The following KCNT1 variants were observed in gnomAD, a reference collection of about 807,000 sequenced individuals.
KCNT1 encodes the protein potassium sodium-activated channel subfamily T member 1.
KCNT1 carries 78 observed loss-of-function variants against 147.8 expected under a neutral mutation model. The ratio of observed to expected loss-of-function variants is 0.53; its 90% confidence interval spans 0.44 to 0.64. The LOEUF is 0.64. KCNT1 is among the 30% of genes least tolerant of loss of function. The probability of loss-of-function intolerance (pLI) is 0.00; values close to 1 mark genes in which losing one functional copy is unlikely to be tolerated. For missense variants in KCNT1, 1,419 were observed against 1,750.3 expected (o/e 0.81, Z 3.38); for synonymous variants, 867 against 748.8 (o/e 1.16, Z -2.58).
Position 135,765,741 on chromosome 9 carries a change from C to T in KCNT1, c.1318C>T (p.Gln440Ter). 1 of 1,604,018 alleles carries T rather than the reference C, an allele frequency of 6.2e-7. No individual in the cohort carries two copies. Among genetic ancestry groups the T allele is most frequent in the Non-Finnish European group, 8.5e-7 (1 of 1,173,368 alleles). ...IYLQGSALKD[Q>*]DLMRAKMDNG... ...CCTCCAGGGCTCTGCACTCAAAGAC[C>T]AGGACCTCATGCGAGCCAAGTGAGT... Residue 440 changes from glutamine (Q) to a stop codon, truncating the protein, a stop_gained, in exon 13 of 31, where the codon CAG becomes TAG. Transcript: ENST00000371757. LOFTEE classifies it high-confidence loss of function.
chr9:135,751,524 G>A (rs1481343725), intron 4 of KCNT1, among the ~76,000 whole-genome samples: 3 of 152,174 alleles, frequency 2.0e-5, no homozygotes, highest in Admixed American at 2.0e-4. Flanking sequence ...TCTGGGAGAG[G>A]TGCTGGGGGC....
At chr9:135,731,067 C>T (rs1477450602) in intron 2 of KCNT1, among the ~76,000 whole-genome samples, 2 of 151,588 alleles carry the variant, frequency 1.3e-5, no homozygotes, top group African/African-American at 4.9e-5. Flanking sequence ...AGCAGGAAGC[C>T]CACACGCCAT....
chr9:135,765,838 A>G (rs1832231892), intron 13 of KCNT1, 78 bp downstream of exon 13: 1 of 1,356,796 alleles, frequency 7.4e-7, no homozygotes, highest in Admixed American at 2.1e-5. Context: ...TGAGGCATTG[A>G]CCGTCGCTCT....
intron 9 of KCNT1, among the ~76,000 whole-genome samples, chr9:135,758,148 C>T (rs1035795158): frequency 2.1e-5 from 3 of 145,828 alleles, no homozygotes; most frequent in Admixed American, 6.8e-5. Context: ...TGGGCTGCCC[C>T]GTGGGCCTCA....
intron 4 of KCNT1, among the ~76,000 whole-genome samples, chr9:135,753,454 C>G (rs1831304576): frequency 6.6e-6 from 1 of 152,172 alleles, no homozygotes; most frequent in South Asian, 2.1e-4. Flanking sequence ...GGACGTGCCT[C>G]TTGGAGTCAG....
At chr9:135,758,924 C>T (rs11103171) in intron 10 of KCNT1, among the ~76,000 whole-genome samples, 3 of 151,674 alleles carry the variant, frequency 2.0e-5, no homozygotes, top group East Asian at 1.9e-4. Flanking sequence ...CCACTGTGCC[C>T]ACCTGCCTGT....
chr9:135,715,133 C>G (rs1025647607), intron 2 of KCNT1, among the ~76,000 whole-genome samples: 31 of 152,218 alleles, frequency 2.0e-4, no homozygotes, highest in African/African-American at 6.0e-4. Context: ...GGCAGCGGTC[C>G]TTGATTAATT....
chr9:135,784,429 G>C, intron 25 of KCNT1, 106 bp from the exon 26 acceptor site: 2 of 830,790 alleles, frequency 2.4e-6, no homozygotes, highest in Non-Finnish European at 3.9e-6. Context: ...CGAGCCCGTG[G>C]CCGGTGGGGT....
rs1834562779 is a variant in KCNT1 at position 135,791,898 on chromosome 9, G to A, written c.3587+17G>A. 1 of 1,612,794 alleles carries A rather than the reference G, an allele frequency of 6.2e-7. No homozygotes were observed. The highest frequency in any genetic ancestry group is 2.2e-5 in the East Asian group (1 of 44,870). On this transcript the variant is annotated intron_variant, in intron 30 of 30. Coordinates refer to ENST00000371757, the MANE Select transcript of KCNT1 (RefSeq NM_020822.3). ...TGACATTGTGTGAGTAGCACCTGTG[G>A]GCTGTGTGGAGACCCCCCCTGAGCA... is the stretch of plus-strand genomic sequence containing the variant.
Position 135,753,912 on chromosome 9 carries a change from G to A in KCNT1, c.435-25G>A, listed in dbSNP as rs371106390. The A allele has an allele frequency of 5.7e-5, 92 of 1,613,722 alleles. 1 individual carries two copies. Among genetic ancestry groups the A allele is most frequent in the South Asian group, 4.0e-4 (36 of 91,084 alleles). On this transcript the variant is annotated intron_variant, in intron 4 of 30. Transcript: ENST00000371757. The stretch of plus-strand genomic sequence containing the variant: ...CAGTGGTGCTAGAGGGGCCAGGGCC[G>A]GGCCAGCGCTGTGTCTCTCCACAGC...
Position 135,780,898 on chromosome 9 carries a change from G to A in KCNT1, c.2841+1428G>A, listed in dbSNP as rs922492560. Among the ~76,000 whole-genome samples the A allele has an allele frequency of 3.9e-5, 6 of 152,224 alleles. No homozygotes were observed. In the East Asian group the frequency reaches 9.6e-4, roughly 24 times the overall value. On this transcript the variant is annotated intron_variant, in intron 24 of 30. Coordinates refer to ENST00000371757, the MANE Select transcript of KCNT1 (RefSeq NM_020822.3). ...TGGACAGGGATGCTGCCGTGGAGTC[G>A]GGGTCGAGGCAGTCATCCTGGCGCG...
chr9:135,732,595 A>C (rs934188399), intron 2 of KCNT1, among the ~76,000 whole-genome samples: 2 of 152,040 alleles, frequency 1.3e-5, no homozygotes, highest in African/African-American at 4.8e-5. Flanking sequence ...CTGGCTGCTG[A>C]GATGAACAGG....
chr9:135,792,426 G>T lies in KCNT1; in HGVS notation c.*265G>T. The T allele has an allele frequency of 2.9e-6, 1 of 344,774 alleles. No homozygotes were observed. Among genetic ancestry groups the T allele is most frequent in the South Asian group, 3.0e-5 (1 of 32,872 alleles). The allele number at this position is 344,774 out of a possible 1,614,324, so 21.4% of individuals were successfully genotyped here. A position where few individuals can be genotyped will look rare whatever the true frequency, so the allele number is the denominator to read the frequency against. On this transcript the variant is annotated 3_prime_UTR_variant, in exon 31 of 31. Coordinates refer to ENST00000371757, the MANE Select transcript of KCNT1 (RefSeq NM_020822.3). ...CCACTTCTCTTTACACAGATGTACC[G>T]CAACTCGTGACCAGGGCTGGCTGGG...
At chr9:135,713,074 C>G (rs1445374475) in intron 1 of KCNT1, among the ~76,000 whole-genome samples, 1 of 152,230 alleles carries the variant, frequency 6.6e-6, no homozygotes, top group Non-Finnish European at 1.5e-5. Context: ...GGAACCAGAG[C>G]CGCTCAAAAG....
intron 18 of KCNT1, 54 bp from the exon 19 acceptor site, chr9:135,772,661 C>A: frequency 7.7e-7 from 1 of 1,300,206 alleles, no homozygotes; most frequent in Non-Finnish European, 1.0e-6. Context: ...TGGGAACTCG[C>A]CGCCCATGGA....
intron 29 of KCNT1, among the ~76,000 whole-genome samples, chr9:135,788,316 G>T (rs1035665329): frequency 6.6e-6 from 1 of 152,268 alleles, no homozygotes; most frequent in Admixed American, 6.5e-5. Context: ...GTTGGGCAAG[G>T]CCTCGCATGC....
intron 1 of KCNT1, among the ~76,000 whole-genome samples, chr9:135,712,750 C>T (rs1000929525): frequency 2.0e-5 from 3 of 152,240 alleles, no homozygotes; most frequent in Admixed American, 1.3e-4. Context: ...AGCCCCGGCC[C>T]TCAGCCAACA....
intron 2 of KCNT1, among the ~76,000 whole-genome samples, chr9:135,741,839 A>C (rs547759255): frequency 6.6e-6 from 1 of 152,242 alleles, no homozygotes; most frequent in South Asian, 2.1e-4. Context: ...GGATTAAAAG[A>C]GAGAGGTCCC....
At position 135,785,715 on chromosome 9, in the gene KCNT1, A is replaced by ACGACCCACAGGCTCTGG; in HGVS notation, c.3177+387_3177+403dup. On this transcript the variant is annotated intron_variant, in intron 28 of 30. Transcript: ENST00000371757. ...GATGCCTACCTCTTCCCAGCACCCC[A>ACGACCCACAGGCTCTGG]CGACCCACAGGCTCTGGCACCCCAC... is the stretch of plus-strand genomic sequence containing the variant. 8.5e-6 allele frequency: 4 copies of ACGACCCACAGGCTCTGG among 472,686 alleles called. No individual in the cohort carries two copies. The South Asian group carries it at 8.5e-5, about 10-fold the overall frequency. 29.3% of individuals were successfully genotyped at this position (472,686 alleles called of 1,614,324 possible).
Sources: allele counts gnomAD v4.1 joint callset (sites outside exome capture counted in the v4.1 genomes callset), GRCh38; gene constraint gnomAD v4.1.1; transcripts MANE v1.5; gene names NCBI Gene and HGNC (gene_info 2026-07-23, HGNC 2026-07-21).